The following DOCK8 variants were observed in gnomAD, a reference collection of about 807,000 sequenced individuals.
The protein encoded by DOCK8 is dedicator of cytokinesis protein 8.
In DOCK8, 141 loss-of-function variants were observed where a neutral mutation model predicts 245.6. That is an observed-to-expected ratio of 0.57 (90% confidence interval 0.50 to 0.66). The LOEUF is 0.66. Among genes scored for constraint, DOCK8 ranks in the 30% least tolerant of loss-of-function variants. DOCK8 has a pLI of 0.00. For synonymous variants in DOCK8, 1,168 were observed against 970.2 expected, an observed-to-expected ratio of 1.20 and a Z score of -3.79; for missense variants, 2,965 against 2,603.4, an observed-to-expected ratio of 1.14 and a Z score of -3.02.
chr9:370,647 G>T (rs987960547), intron 16 of DOCK8, among the ~76,000 whole-genome samples: 1 of 152,198 alleles, frequency 6.6e-6, no homozygotes, highest in African/African-American at 2.4e-5. Context: ...GGCTCCCCTT[G>T]CCCTGTGTGT....
intron 3 of DOCK8, 26 bp from the exon 4 acceptor site, chr9:289,484 G>A: frequency 6.2e-7 from 1 of 1,600,760 alleles, no homozygotes; most frequent in Non-Finnish European, 8.6e-7. Flanking sequence ...GTAATAACGT[G>A]TTTATTTCAT....
intron 42 of DOCK8, 99 bp from the exon 43 acceptor site, chr9:443,328 C>G (rs905818622): frequency 8.9e-7 from 1 of 1,119,670 alleles, no homozygotes. Flanking sequence ...GAACATCATT[C>G]TACCTTGCAC....
intron 14 of DOCK8, among the ~76,000 whole-genome samples, chr9:347,900 A>G (rs1236868872): frequency 1.3e-5 from 2 of 152,094 alleles, no homozygotes; most frequent in African/African-American, 4.8e-5. Context: ...GACACAATTC[A>G]CTCACTTTCT....
chr9:283,835 T>G (rs538034651), intron 2 of DOCK8, among the ~76,000 whole-genome samples: 1 of 152,318 alleles, frequency 6.6e-6, no homozygotes, highest in South Asian at 2.1e-4. Context: ...ATAAATGAAT[T>G]TAATGTTTAC....
intron 4 of DOCK8, among the ~76,000 whole-genome samples, chr9:289,868 G>T (rs543840630): frequency 7.3e-4 from 111 of 152,182 alleles, no homozygotes; most frequent in African/African-American, 2.7e-3. Context: ...TTTTTGTGTT[G>T]TATATTCTAT....
At chr9:270,418 A>G (rs1220976542) in intron 1 of DOCK8, among the ~76,000 whole-genome samples, 4 of 152,142 alleles carry the variant, frequency 2.6e-5, no homozygotes, top group Admixed American at 6.5e-5. Flanking sequence ...TTCTGCCTAG[A>G]CAGTGCACAG....
chr9:379,712 C>T (rs1280355482), intron 20 of DOCK8, 59 bp from the exon 21 acceptor site: 3 of 1,588,396 alleles, frequency 1.9e-6, no homozygotes, highest in African/African-American at 2.7e-5. Flanking sequence ...GAGAAACTTC[C>T]ACCTCAGGCT....
At chr9:385,983 A>C (rs569165225) in intron 22 of DOCK8, among the ~76,000 whole-genome samples, 1 of 152,290 alleles carries the variant, frequency 6.6e-6, no homozygotes, top group African/African-American at 2.4e-5. Context: ...GTGGTGCAGT[A>C]CCGTACTAAA....
rs769652415 is a variant in DOCK8, at chr9:312,275, C to T, written c.741+109C>T. ...TATAGCAGCCCATGGTGTCAGGGCT[C>T]ACTTGTATGATTTCTGGGGCCTCGT... On this transcript the variant is annotated intron_variant, in intron 6 of 47. Transcript: ENST00000432829. 1.1e-5 allele frequency: 15 copies of T among 1,309,708 alleles called. No homozygotes were observed. The East Asian group carries it at 3.5e-4, about 31-fold the overall frequency. The allele number at this position is 1,309,708 out of a possible 1,614,324, so 81.1% of individuals were successfully genotyped here.
In DOCK8 at chr9:451,904, TAC is replaced by T. The variant is rs1328647550; in HGVS notation, c.5962-105_5962-104del. On this transcript the variant is annotated intron_variant, in intron 45 of 47. Coordinates refer to ENST00000432829, the MANE Select transcript of DOCK8 (RefSeq NM_203447.4). ...ATATACATATATATGCATATACATA[TAC>T]ATATGCATATACATATATATGTATG... 47 of 45,196 alleles carry T rather than the reference TAC, an allele frequency of 1.0e-3. 1 individual carries two copies. Among genetic ancestry groups the T allele is most frequent in the East Asian group, 0.026 (1 of 38 alleles). 2.8% of individuals were successfully genotyped at this position (45,196 alleles called of 1,614,324 possible).
chr9:457,801 C>T (rs772894017), intron 46 of DOCK8, among the ~76,000 whole-genome samples: 1 of 152,250 alleles, frequency 6.6e-6, no homozygotes, highest in Non-Finnish European at 1.5e-5. Flanking sequence ...CTACCATGTG[C>T]TCTGGCTTCA....
chr9:287,916 G>A (rs950872796), intron 3 of DOCK8, among the ~76,000 whole-genome samples: 1 of 152,126 alleles, frequency 6.6e-6, no homozygotes, highest in African/African-American at 2.4e-5. Flanking sequence ...GCTTGTTCCT[G>A]TGGTCCCAGC....
At chr9:245,054 C>T (rs149839295) in intron 1 of DOCK8, among the ~76,000 whole-genome samples, 8 of 152,236 alleles carry the variant, frequency 5.3e-5, no homozygotes, top group African/African-American at 1.9e-4. Flanking sequence ...TGTGCTCATC[C>T]ACCTCCTGAG....
chr9:400,737 CCACCAGCATCTTCACCAT>C lies in DOCK8; in HGVS notation c.3234+1484_3234+1501del, dbSNP rs1564015206. Among the ~76,000 whole-genome samples, 143 of 77,172 alleles carry C rather than the reference CCACCAGCATCTTCACCAT, an allele frequency of 1.9e-3. 1 individual carries two copies. The highest frequency in any genetic ancestry group is 2.6e-3 in the Non-Finnish European group (107 of 40,798). The allele number at this position is 77,172 out of a possible 152,430, so 50.6% of individuals were successfully genotyped here. ...ACCATCACCACCACCACCTCCACCACCACCAGCATCTTCACCATCACCACCACCTCCACCACCACCACC... is the reference window on the plus strand; with the variant it reads ...ACCATCACCACCACCACCTCCACCACCACCACCACCTCCACCACCACCACC... On this transcript the variant is annotated intron_variant, in intron 26 of 47. Coordinates refer to ENST00000432829, the MANE Select transcript of DOCK8 (RefSeq NM_203447.4).
chr9:276,142 C>A (rs559351277), intron 2 of DOCK8, among the ~76,000 whole-genome samples: 1 of 152,300 alleles, frequency 6.6e-6, no homozygotes, highest in East Asian at 1.9e-4. Flanking sequence ...CCGCCCGCCT[C>A]GGCCTCCCAA....
Position 382,705 on chromosome 9 carries a change from G to A in DOCK8, c.2778+20G>A, listed in dbSNP as rs587780923. The A allele has an allele frequency of 2.5e-5, 40 of 1,613,748 alleles. No homozygotes were observed. Among genetic ancestry groups the A allele is most frequent in the Admixed American group, 6.7e-5 (4 of 59,954 alleles). ...TCAAAGGTAGGAAAGATGTCAAACCGTGGAAGGGGACACAGGCTTTTTTAT... is the reference window on the plus strand; with the variant it reads ...TCAAAGGTAGGAAAGATGTCAAACCATGGAAGGGGACACAGGCTTTTTTAT... On this transcript the variant is annotated intron_variant, in intron 22 of 47. Coordinates refer to ENST00000432829, the MANE Select transcript of DOCK8 (RefSeq NM_203447.4).
chr9:351,202 G>T (rs1371861955), intron 14 of DOCK8, among the ~76,000 whole-genome samples: 1 of 152,186 alleles, frequency 6.6e-6, no homozygotes, highest in Non-Finnish European at 1.5e-5. Flanking sequence ...ACTCTAAGTA[G>T]GTAACTGGGG....
In DOCK8 at chr9:259,180, A is replaced by G. The variant is rs1381934634; in HGVS notation, c.54-12447A>G. On this transcript the variant is annotated intron_variant, in intron 1 of 47. Transcript: ENST00000432829. ...ATTAGGTATGGTGGTACATGCCTGT[A>G]GTCCTGGCTACTCTCAGGGGACTGA... Among the ~76,000 whole-genome samples the G allele has an allele frequency of 3.9e-5, 6 of 152,170 alleles. 1 individual carries two copies. The East Asian group carries it at 1.2e-3, about 29-fold the overall frequency.
intron 4 of DOCK8, among the ~76,000 whole-genome samples, chr9:297,733 A>T (rs1199167757): frequency 2.6e-5 from 4 of 152,116 alleles, no homozygotes; most frequent in Non-Finnish European, 5.9e-5. Flanking sequence ...TCTCCTCCCC[A>T]GCCAGGTTCA....
Sources: gnomAD v4.1 joint callset for allele counts (sites outside exome capture counted in the v4.1 genomes callset) on GRCh38, gnomAD v4.1.1 for gene constraint, MANE v1.5 for transcripts, NCBI Gene and HGNC (gene_info 2026-07-23, HGNC 2026-07-21) for gene names.